The following IMMP2L variants were observed in gnomAD, a reference collection of about 807,000 sequenced individuals.
IMMP2L encodes inner mitochondrial membrane peptidase subunit 2, also known as mitochondrial inner membrane protease subunit 2.
IMMP2L carries 18 observed loss-of-function variants against 19.3 expected under a neutral mutation model. That is an observed-to-expected ratio of 0.93 (90% CI 0.64 to 1.38). The LOEUF is 1.38. Ranked by LOEUF, IMMP2L falls within the 40% of genes most tolerant of loss-of-function variation. IMMP2L has a pLI of 0.00. For missense variants in IMMP2L, 233 were observed against 218.2 expected, an observed-to-expected ratio of 1.07 and a Z score of -0.43; for synonymous variants, 76 against 73.0, an observed-to-expected ratio of 1.04 and a Z score of -0.21.
chr7:111,100,571 G>A (rs1054953191), intron 3 of IMMP2L, among the ~76,000 whole-genome samples: 4 of 150,410 alleles, frequency 2.7e-5, no homozygotes, highest in African/African-American at 9.7e-5. Flanking sequence ...TAATGATAAT[G>A]AACACTTAAT....
chr7:111,534,338 A>G (rs1228120804), intron 1 of IMMP2L, among the ~76,000 whole-genome samples: 4 of 152,094 alleles, frequency 2.6e-5, no homozygotes, highest in Non-Finnish European at 5.9e-5. Flanking sequence ...AGAACAATAT[A>G]TCGTTATATT....
intron 3 of IMMP2L, among the ~76,000 whole-genome samples, chr7:111,318,872 T>A (rs1336304210): frequency 1.3e-5 from 2 of 152,164 alleles, no homozygotes; most frequent in Non-Finnish European, 2.9e-5. Flanking sequence ...TACTGTCTAT[T>A]CATCATGATT....
At chr7:110,724,601 A>C (rs1795774583) in intron 5 of IMMP2L, 1 of 152,188 alleles carries the variant, frequency 6.6e-6, no homozygotes, top group Non-Finnish European at 1.5e-5. Flanking sequence ...GCTAAGGATA[A>C]GAGAAAATGT....
chr7:110,926,435 G>A (rs1471912934), intron 4 of IMMP2L, among the ~76,000 whole-genome samples: 1 of 151,906 alleles, frequency 6.6e-6, no homozygotes, highest in Non-Finnish European at 1.5e-5. Context: ...TACCAAACTA[G>A]GTTTAAAAGC....
chr7:111,500,561 C>A (rs544708922), intron 2 of IMMP2L, among the ~76,000 whole-genome samples: 2 of 152,158 alleles, frequency 1.3e-5, no homozygotes, highest in Non-Finnish European at 2.9e-5. Context: ...TCCGCCAGTA[C>A]GGGCAGACTG....
chr7:111,558,589 C>A lies in IMMP2L; in HGVS notation c.-3+3262G>T, dbSNP rs148889759. Among the ~76,000 whole-genome samples, 520 of 152,280 alleles carry A rather than the reference C, an allele frequency of 3.4e-3. 6 individuals are homozygous for A. The highest frequency in any genetic ancestry group is 0.012 in the African/African-American group (502 of 41,568). On this transcript the variant is annotated intron_variant, in intron 1 of 5. Coordinates refer to ENST00000405709, the MANE Select transcript of IMMP2L (RefSeq NM_032549.4). ...CCTGAAAACCTAAGAATGACAACCTCCAGAGCTTTTTCTATACCCCTCACT... is the reference window on the plus strand; with the variant it reads ...CCTGAAAACCTAAGAATGACAACCTACAGAGCTTTTTCTATACCCCTCACT...
Position 111,123,318 on chromosome 7 carries a change from G to A in IMMP2L, c.240-159753C>T, listed in dbSNP as rs765065226. ...ATAGATTGCAGATGATCAACAGTAA[G>A]TGGTTTGATGCTCTTCCAAATCTAG... On this transcript the variant is annotated intron_variant, in intron 3 of 5. Coordinates refer to ENST00000405709, the MANE Select transcript of IMMP2L (RefSeq NM_032549.4). This position sits in a 1 kb window ranked among gnomAD's most constrained non-coding sequence, Gnocchi z 6.4. 2 of 1,613,858 alleles carry A rather than the reference G, an allele frequency of 1.2e-6. No individual in the cohort carries two copies. The highest frequency in any genetic ancestry group is 3.3e-5 in the Admixed American group (2 of 59,954).
At chr7:110,866,056 G>A (rs966751514) in intron 5 of IMMP2L, among the ~76,000 whole-genome samples, 2 of 151,930 alleles carry the variant, frequency 1.3e-5, no homozygotes, top group African/African-American at 4.8e-5. Flanking sequence ...AGATTTCTAT[G>A]ACCTTTGAGT....
intron 3 of IMMP2L, among the ~76,000 whole-genome samples, chr7:111,369,144 A>C (rs1196927161): frequency 6.6e-6 from 1 of 151,928 alleles, no homozygotes; most frequent in Non-Finnish European, 1.5e-5. Flanking sequence ...TTCAATGACA[A>C]ACAGGAATCA....
intron 3 of IMMP2L, among the ~76,000 whole-genome samples, chr7:111,160,510 T>G (rs1337362979): frequency 6.6e-6 from 1 of 151,928 alleles, no homozygotes; most frequent in Non-Finnish European, 1.5e-5. Context: ...GTAAATTAAT[T>G]AACATCTATG....
chr7:110,959,353 G>A (rs992084751), intron 4 of IMMP2L, among the ~76,000 whole-genome samples: 1 of 151,886 alleles, frequency 6.6e-6, no homozygotes, highest in Admixed American at 6.6e-5. Flanking sequence ...AGTAGACTAA[G>A]GGCTTCTAGT....
chr7:110,714,478 A>C (rs1300396590), intron 5 of IMMP2L, among the ~76,000 whole-genome samples: 1 of 152,114 alleles, frequency 6.6e-6, no homozygotes, highest in Non-Finnish European at 1.5e-5. Flanking sequence ...GTTAGGGAAG[A>C]ATTCCTCCTC....
chr7:111,254,353 G>T (rs1816473091), intron 3 of IMMP2L, among the ~76,000 whole-genome samples: 1 of 152,054 alleles, frequency 6.6e-6, no homozygotes, highest in Admixed American at 6.6e-5. Context: ...ATGCAAATCT[G>T]CAAAGGGGAA....
At chr7:110,915,306 T>C (rs1813485175) in intron 4 of IMMP2L, among the ~76,000 whole-genome samples, 1 of 152,218 alleles carries the variant, frequency 6.6e-6, no homozygotes, top group African/African-American at 2.4e-5. Flanking sequence ...GAAATCCTAT[T>C]TGTGAGAACA....
intron 5 of IMMP2L, among the ~76,000 whole-genome samples, chr7:110,737,050 C>A (rs1796678712): frequency 6.6e-6 from 1 of 152,094 alleles, no homozygotes; most frequent in Non-Finnish European, 1.5e-5. Context: ...TTTAAGATGG[C>A]AGATAGGAGG....
intron 5 of IMMP2L, among the ~76,000 whole-genome samples, chr7:110,828,406 A>T (rs1803688106): frequency 6.6e-6 from 1 of 152,100 alleles, no homozygotes; most frequent in African/African-American, 2.4e-5. Flanking sequence ...GCTAACAACC[A>T]ACTGTGTGAT....
At chr7:111,325,974 A>C (rs1825278841) in intron 3 of IMMP2L, among the ~76,000 whole-genome samples, 1 of 151,736 alleles carries the variant, frequency 6.6e-6, no homozygotes, top group South Asian at 2.1e-4. Flanking sequence ...AATTGTGAGC[A>C]ACATTGCTAT....
chr7:110,738,039 G>A (rs1796751853), intron 5 of IMMP2L, among the ~76,000 whole-genome samples: 1 of 152,074 alleles, frequency 6.6e-6, no homozygotes, highest in African/African-American at 2.4e-5. Context: ...GCACCCTGTG[G>A]GACAAAAAAT....
At chr7:111,500,773 G>C (rs908882179) in intron 2 of IMMP2L, among the ~76,000 whole-genome samples, 1 of 152,160 alleles carries the variant, frequency 6.6e-6, no homozygotes, top group African/African-American at 2.4e-5. Context: ...CTGTCTGTTA[G>C]AAGGAAAACT....
Sources: gnomAD v4.1 joint callset for allele counts (sites outside exome capture counted in the v4.1 genomes callset) on GRCh38, gnomAD v4.1.1 for gene constraint, Gnocchi (gnomAD v3.1) non-coding constraint, MANE v1.5 for transcripts, NCBI Gene and HGNC (gene_info 2026-07-23, HGNC 2026-07-21) for gene names.